Variants in RAPGEF6 observed in about 807,000 individuals in gnomAD.
RAPGEF6 encodes Rap guanine nucleotide exchange factor 6.
A neutral mutation model predicts 171.4 loss-of-function variants in RAPGEF6; 56 were observed. That is an observed-to-expected ratio of 0.33 (90% CI 0.26 to 0.41). The LOEUF (loss-of-function observed/expected upper bound fraction) is 0.41. Among genes scored for constraint, RAPGEF6 ranks in the 10% least tolerant of loss-of-function variants. The pLI is 1.00. For synonymous variants in RAPGEF6, 692 were observed against 650.1 expected (o/e 1.06, Z -0.98); for missense variants, 1,674 against 1,921.4 (o/e 0.87, Z 2.41).
rs768172291 is a variant in RAPGEF6 at position 131,446,715 on chromosome 5, T to C, written c.3201-12A>G. On this transcript the variant is annotated splice_polypyrimidine_tract_variant and intron_variant, in intron 21 of 27. Coordinates refer to ENST00000509018, the MANE Select transcript of RAPGEF6 (RefSeq NM_016340.6). The stretch of plus-strand genomic sequence containing the variant: ...CTTGACTCAGTGACCTATAAGAAGA[T>C]GAAAATCACAATAAGGGGCTATAGA... 1.7e-5 allele frequency: 27 copies of C among 1,604,196 alleles called. No individual in the cohort carries two copies. The highest frequency in any genetic ancestry group is 2.3e-5 in the Non-Finnish European group (27 of 1,171,674).
rs1193282849 is a variant in RAPGEF6, at chr5:131,455,808, T to G, written c.3069A>C (p.Leu1023=). 11 of 1,610,098 alleles carry G rather than the reference T, an allele frequency of 6.8e-6. No individual in the cohort carries two copies. The highest frequency in any genetic ancestry group is 1.3e-5 in the African/African-American group (1 of 74,952). The change falls in exon 20 of 28, where the codon CTA becomes CTC. Residue 1023 remains leucine (L), a synonymous_variant. Transcript: ENST00000509018. ...TAAATAATGTTTTCATACCTTCATG[T>G]AGAAATGTCATATCTTTCTTGACAA... ...FPVVKKDMTF[L]HEGNDSKVDG...
In RAPGEF6 at chr5:131,495,664, T is replaced by C. The variant is rs1756594709; in HGVS notation, c.1420-4A>G. 1.2e-6 allele frequency: 2 copies of C among 1,610,762 alleles called. No individual in the cohort carries two copies. The highest frequency in any genetic ancestry group is 4.5e-5 in the East Asian group (2 of 44,660). ...ATAATAATACAATCCGTGTCACCTG[T>C]GGAAACATAAAAGAGGCAGCATATG... On this transcript the variant is annotated splice_polypyrimidine_tract_variant and splice_region_variant and intron_variant, in intron 12 of 27. Transcript: ENST00000509018.
At chr5:131,481,975 C>T (rs1197037465) in intron 15 of RAPGEF6, among the ~76,000 whole-genome samples, 1 of 152,028 alleles carries the variant, frequency 6.6e-6, no homozygotes, top group Non-Finnish European at 1.5e-5. Flanking sequence ...GTAAGAGTTT[C>T]CCACAAAATC....
At chr5:131,482,276 A>G (rs10041299) in intron 15 of RAPGEF6, among the ~76,000 whole-genome samples, 2,741 of 151,060 alleles carry the variant, frequency 0.018, 58 homozygotes, top group African/African-American at 0.048. Flanking sequence ...ACGTGTGTGT[A>G]TGTGTGTGTG....
intron 13 of RAPGEF6, among the ~76,000 whole-genome samples, chr5:131,494,312 C>T (rs1756482323): frequency 6.6e-6 from 1 of 152,230 alleles, no homozygotes; most frequent in African/African-American, 2.4e-5. Flanking sequence ...AACCAAGTCA[C>T]AGCTCAAAGT....
At position 131,433,428 on chromosome 5, in the gene RAPGEF6, A is replaced by G. The variant is rs1380971594; in HGVS notation, c.3974+2T>C. ...GTTATGAACACAGACAATGATGCTT[A>G]CCCAGGGCCATGTTGACTATGATCT... is the stretch of plus-strand genomic sequence containing the variant. On this transcript the variant is annotated splice_donor_variant, in intron 25 of 27. Transcript: ENST00000509018. LOFTEE classifies it high-confidence loss of function. 6.2e-7 allele frequency: 1 copy of G among 1,605,376 alleles called. No individual in the cohort carries two copies. Among genetic ancestry groups the G allele is most frequent in the African/African-American group, 1.3e-5 (1 of 74,786 alleles).
In RAPGEF6 at chr5:131,482,556, C is replaced by T. The variant is rs181025727; in HGVS notation, c.1841-2803G>A. Among the ~76,000 whole-genome samples the T allele has an allele frequency of 2.0e-5, 3 of 152,104 alleles. No individual in the cohort carries two copies. The East Asian group carries it at 5.8e-4, about 29-fold the overall frequency. On this transcript the variant is annotated intron_variant, in intron 15 of 27. Transcript: ENST00000509018. ...GGGCTCAAATGATCCTTCTGCCTCG[C>T]CCTCCCAAAGTGATGGGATTACAGG...
At chr5:131,476,379 A>G (rs1755093227) in intron 16 of RAPGEF6, among the ~76,000 whole-genome samples, 1 of 152,156 alleles carries the variant, frequency 6.6e-6, no homozygotes, top group Non-Finnish European at 1.5e-5. Flanking sequence ...TGAGGTCAGG[A>G]GTTCCAAGTC....
intron 23 of RAPGEF6, among the ~76,000 whole-genome samples, chr5:131,440,824 A>G (rs1186100694): frequency 2.0e-5 from 3 of 152,052 alleles, no homozygotes; most frequent in African/African-American, 7.2e-5. Flanking sequence ...TTCAAGTAAA[A>G]AAACCAGAGC....
At chr5:131,446,446 G>A (rs1752694542) in intron 22 of RAPGEF6, 37 bp downstream of exon 22, 8 of 1,538,474 alleles carry the variant, frequency 5.2e-6, no homozygotes, top group Non-Finnish European at 7.1e-6. Context: ...ATTTTGTTGT[G>A]CTCTTTAGCG....
chr5:131,570,195 C>T lies in RAPGEF6; in HGVS notation c.282-8148G>A, dbSNP rs113248500. ...AAAATGGAGAAAATGTCTGAATAGA[C>T]ATTTCACCAAAGAAGATACAGGAAT... is the stretch of plus-strand genomic sequence containing the variant. On this transcript the variant is annotated intron_variant, in intron 4 of 27. Transcript: ENST00000509018. Among the ~76,000 whole-genome samples, 529 of 151,602 alleles carry T rather than the reference C, an allele frequency of 3.5e-3. 4 individuals are homozygous for T. Among genetic ancestry groups the T allele is most frequent in the South Asian group, 8.1e-3 (39 of 4,808 alleles).
chr5:131,579,488 C>G (rs981443727), intron 4 of RAPGEF6, among the ~76,000 whole-genome samples: 1 of 152,216 alleles, frequency 6.6e-6, no homozygotes, highest in Non-Finnish European at 1.5e-5. Flanking sequence ...TCCGTTTTGA[C>G]AGGGTGCTGA....
intron 16 of RAPGEF6, among the ~76,000 whole-genome samples, chr5:131,473,386 A>C (rs1754884228): frequency 6.6e-6 from 1 of 152,240 alleles, no homozygotes; most frequent in African/African-American, 2.4e-5. Context: ...CTTCCTTTAA[A>C]ATATTTTAGA....
In RAPGEF6 at chr5:131,489,856, C is replaced by CT. The variant is rs991549675; in HGVS notation, c.1732-203dup. 4.7e-3 allele frequency among the ~76,000 whole-genome samples: 685 copies of CT among 146,014 alleles called. 2 individuals are homozygous for CT. Among genetic ancestry groups the CT allele is most frequent in the African/African-American group, 0.012 (464 of 40,138 alleles). On this transcript the variant is annotated intron_variant, in intron 14 of 27. Transcript: ENST00000509018. ...TATTTTCCAAATTCTTTACTATAAA[C>CT]TTTTTTTTTTTTGACAGTTAATGCC...
chr5:131,614,281 CAAAA>C (rs386404987), intron 1 of RAPGEF6, among the ~76,000 whole-genome samples: 43 of 81,416 alleles, frequency 5.3e-4, no homozygotes, highest in South Asian at 1.2e-3. Context: ...GACTCTGTCT[CAAAA>C]AAAAAAAAAA....
At chr5:131,627,764 GCATC>G in intron 1 of RAPGEF6, among the ~76,000 whole-genome samples, 1 of 152,042 alleles carries the variant, frequency 6.6e-6, no homozygotes, top group Non-Finnish European at 1.5e-5. Flanking sequence ...TGACAACCCT[GCATC>G]AAGCAAGTCC....
intron 6 of RAPGEF6, among the ~76,000 whole-genome samples, chr5:131,541,397 AGGACCAAAGTTAG>A (rs1760132922): frequency 6.6e-6 from 1 of 152,252 alleles, no homozygotes; most frequent in Non-Finnish European, 1.5e-5. Flanking sequence ...GAAAGAGAAC[AGGACCAAAGTTAG>A]GGACCTCCAA....
intron 25 of RAPGEF6, 134 bp downstream of exon 25, chr5:131,433,296 G>A (rs1483774209): frequency 1.4e-6 from 1 of 691,560 alleles, no homozygotes; most frequent in East Asian, 2.7e-5. Context: ...GAGAATATGT[G>A]CTTGGCCCAC....
At chr5:131,541,030 T>C (rs943087738) in intron 6 of RAPGEF6, among the ~76,000 whole-genome samples, 17 of 152,250 alleles carry the variant, frequency 1.1e-4, no homozygotes, top group Non-Finnish European at 1.5e-5. Context: ...TTATATGCTA[T>C]TTAAAATGAA....
Sources: gnomAD v4.1 joint callset for allele counts (sites outside exome capture counted in the v4.1 genomes callset) on GRCh38, gnomAD v4.1.1 for gene constraint, MANE v1.5 for transcripts, NCBI Gene and HGNC (gene_info 2026-07-23, HGNC 2026-07-21) for gene names.